NOL4: variants seen among roughly 807,000 people sequenced by gnomAD.
The protein encoded by NOL4 is nucleolar protein 4.
A neutral mutation model predicts 75.9 loss-of-function variants in NOL4; 17 were observed. The ratio of observed to expected loss-of-function variants is 0.22; its 90% CI spans 0.15 to 0.34. The LOEUF (loss-of-function observed/expected upper bound fraction) is 0.34. Ranked by LOEUF, NOL4 falls within the 10% of genes least tolerant of loss-of-function variation. The pLI is 1.00. For missense variants in NOL4, 614 were observed against 793.5 expected (o/e 0.77, Z 2.72); for synonymous variants, 292 against 289.9 (o/e 1.01, Z -0.07).
At chr18:34,104,895 G>A (rs538782721) in intron 3 of NOL4, among the ~76,000 whole-genome samples, 154 bp downstream of exon 3, 4 of 152,044 alleles carry the variant, frequency 2.6e-5, no homozygotes, top group South Asian at 4.1e-4. Context: ...CTTTGTAAGT[G>A]GATATTCAAA....
intron 9 of NOL4, among the ~76,000 whole-genome samples, chr18:33,899,630 G>A (rs2065629363): frequency 6.6e-6 from 1 of 152,112 alleles, no homozygotes; most frequent in South Asian, 2.1e-4. Context: ...CTGAAACAAG[G>A]TATTGAAAAA....
intron 1 of NOL4, among the ~76,000 whole-genome samples, chr18:34,134,841 T>G (rs1292171363): frequency 6.6e-6 from 1 of 151,978 alleles, no homozygotes; most frequent in Non-Finnish European, 1.5e-5. Flanking sequence ...ATAAAGAAAT[T>G]AACATACTTC....
chr18:34,070,176 T>C (rs1372502337), intron 5 of NOL4, among the ~76,000 whole-genome samples: 3 of 152,200 alleles, frequency 2.0e-5, no homozygotes, highest in Non-Finnish European at 4.4e-5. Context: ...GGACTACAGG[T>C]GCCTGCCACT....
At chr18:34,133,267 C>T (rs561713979) in intron 1 of NOL4, among the ~76,000 whole-genome samples, 95 of 137,818 alleles carry the variant, frequency 6.9e-4, no homozygotes, top group African/African-American at 2.6e-3. Flanking sequence ...AGCAAAACTC[C>T]GTCTCAAAAA....
chr18:34,043,917 T>C (rs2076248950), intron 5 of NOL4, among the ~76,000 whole-genome samples: 1 of 152,084 alleles, frequency 6.6e-6, no homozygotes, highest in Non-Finnish European at 1.5e-5. Flanking sequence ...AAACTGTAAA[T>C]GTATACCTCC....
chr18:33,881,262 T>G (rs1054377608), intron 10 of NOL4, among the ~76,000 whole-genome samples: 1 of 150,512 alleles, frequency 6.6e-6, no homozygotes, highest in Non-Finnish European at 1.5e-5. Flanking sequence ...AAGGAGATTT[T>G]GGGCTGAGAC....
At chr18:34,073,271 A>C (rs1297136623) in intron 5 of NOL4, among the ~76,000 whole-genome samples, 1 of 152,088 alleles carries the variant, frequency 6.6e-6, no homozygotes, top group East Asian at 1.9e-4. Context: ...TTCACAGGAC[A>C]ATAAAGTGTT....
rs572304916 is a variant in NOL4 at position 34,094,316 on chromosome 18, T to C, written c.640-719A>G. Reference sequence around the variant, plus strand: ...GATTCTAATATAGCCAACTTATATATTAGGTTCAAAGTCCACATGTAATGG... The same window carrying C: ...GATTCTAATATAGCCAACTTATATACTAGGTTCAAAGTCCACATGTAATGG... On this transcript the variant is annotated intron_variant, in intron 4 of 10. Transcript: ENST00000261592. Among the ~76,000 whole-genome samples the C allele has an allele frequency of 2.0e-5, 3 of 152,276 alleles. No homozygotes were observed. The East Asian group carries it at 5.8e-4, about 29-fold the overall frequency.
At chr18:34,089,029 A>G (rs2145491979) in intron 5 of NOL4, among the ~76,000 whole-genome samples, 1 of 152,136 alleles carries the variant, frequency 6.6e-6, no homozygotes, top group South Asian at 2.1e-4. Flanking sequence ...CCAGATATGT[A>G]TTTCCAACAC....
chr18:33,934,516 AC>A (rs1465841793), intron 9 of NOL4, among the ~76,000 whole-genome samples: 1 of 152,130 alleles, frequency 6.6e-6, no homozygotes, highest in Non-Finnish European at 1.5e-5. Flanking sequence ...GTTTTAGTGT[AC>A]CCACTTTCTT....
intron 8 of NOL4, among the ~76,000 whole-genome samples, chr18:33,949,989 T>C (rs554509693): frequency 3.3e-5 from 5 of 151,782 alleles, no homozygotes; most frequent in Admixed American, 2.0e-4. Flanking sequence ...ATATAAAATA[T>C]ATTTTGTATA....
chr18:34,072,636 T>C (rs2077571746), intron 5 of NOL4, among the ~76,000 whole-genome samples: 1 of 152,196 alleles, frequency 6.6e-6, no homozygotes, highest in East Asian at 1.9e-4. Flanking sequence ...AAAACAACTG[T>C]GTAATACCTC....
intron 5 of NOL4, among the ~76,000 whole-genome samples, chr18:34,066,064 C>T (rs2077262886): frequency 6.6e-6 from 1 of 151,816 alleles, no homozygotes. Flanking sequence ...AGCAGGTTCA[C>T]AGGATTGATT....
chr18:34,057,176 G>T (rs1299313661), intron 5 of NOL4, among the ~76,000 whole-genome samples: 1 of 152,086 alleles, frequency 6.6e-6, no homozygotes, highest in East Asian at 1.9e-4. Context: ...TTAAGGCAGG[G>T]ATTTTACACT....
chr18:33,962,919 C>T (rs2070270182), intron 6 of NOL4, among the ~76,000 whole-genome samples: 1 of 152,134 alleles, frequency 6.6e-6, no homozygotes, highest in African/African-American at 2.4e-5. Flanking sequence ...AACGTGCAAT[C>T]TTGCAGATCT....
chr18:34,130,037 A>C lies in NOL4; in HGVS notation c.265-17T>G, dbSNP rs759758913. ...TACGCCATCCTGGAAACAAAACAAC[A>C]ACAACAAAAACCCATAAGATTAATA... On this transcript the variant is annotated splice_polypyrimidine_tract_variant and intron_variant, in intron 1 of 10. Coordinates refer to ENST00000261592, the MANE Select transcript of NOL4 (RefSeq NM_003787.5). 1.6e-5 allele frequency: 25 copies of C among 1,515,608 alleles called. No homozygotes were observed. The South Asian group carries it at 2.6e-4, about 16-fold the overall frequency. 93.9% of individuals were successfully genotyped at this position (1,515,608 alleles called of 1,614,324 possible).
intron 5 of NOL4, among the ~76,000 whole-genome samples, chr18:34,090,239 T>C: frequency 6.6e-6 from 1 of 152,162 alleles, no homozygotes; most frequent in Admixed American, 6.5e-5. Context: ...AAAGTTATAT[T>C]TTAATCATTT....
intron 6 of NOL4, among the ~76,000 whole-genome samples, chr18:33,977,051 T>C (rs2071546079): frequency 1.3e-5 from 2 of 152,142 alleles, no homozygotes; most frequent in Admixed American, 1.3e-4. Context: ...AGCAACATCA[T>C]CATCCTCATT....
chr18:34,077,836 C>G (rs935474608), intron 5 of NOL4, among the ~76,000 whole-genome samples: 2 of 152,012 alleles, frequency 1.3e-5, no homozygotes, highest in South Asian at 4.1e-4. Flanking sequence ...TTTCTGTGAC[C>G]TAAAACAGTT....
Sources: allele counts gnomAD v4.1 joint callset (sites outside exome capture counted in the v4.1 genomes callset), GRCh38; gene constraint gnomAD v4.1.1; transcripts MANE v1.5; gene names NCBI Gene and HGNC (gene_info 2026-07-23, HGNC 2026-07-21).